The following ABCA13 variants were observed in gnomAD, a reference collection of about 807,000 sequenced individuals.
The protein encoded by ABCA13 is ATP binding cassette subfamily A member 13.
Under a neutral mutation model 478.7 loss-of-function variants are expected in ABCA13, and 476 were observed. The observed-to-expected ratio is 0.99, with a 90% CI of 0.92 to 1.07. ABCA13 has a LOEUF of 1.07. ABCA13 is among the 50% of genes least tolerant of loss of function. The probability of loss-of-function intolerance (pLI) is 0.00; values close to 1 mark genes in which losing one functional copy is unlikely to be tolerated. For missense variants in ABCA13, 6,060 were observed against 5,910.6 expected, an observed-to-expected ratio of 1.03 and a Z score of -0.83; for synonymous variants, 2,252 against 2,158.9, an observed-to-expected ratio of 1.04 and a Z score of -1.20.
rs747331810 is a variant in ABCA13, at chr7:48,288,075, C to T, written c.8952C>T (p.Phe2984=). 3 of 1,612,818 alleles carry T rather than the reference C, an allele frequency of 1.9e-6. No homozygotes were observed. Among genetic ancestry groups the T allele is most frequent in the African/African-American group, 2.7e-5 (2 of 75,014 alleles). ...GGGTCACTTTGGCGCAGGACCACTT[C>T]CAGGTTTGTCGTCTTTAATATTTCA... ...IQGVTLAQDH[F]QEIEKIWSSP... is the part of the protein sequence containing the mutation. Residue 2984 remains phenylalanine, a synonymous_variant, in exon 20 of 62, where the codon TTC becomes TTT. Coordinates refer to ENST00000435803, the MANE Select transcript of ABCA13 (RefSeq NM_152701.5).
At chr7:48,295,908 A>G (rs1369443885) in intron 21 of ABCA13, 45 bp downstream of exon 21, 6 of 1,551,070 alleles carry the variant, frequency 3.9e-6, no homozygotes, top group Middle Eastern at 1.7e-4. Flanking sequence ...ACTTCCATTC[A>G]TAGAGAGGAT....
chr7:48,609,057 G>C (rs558995513), intron 58 of ABCA13, among the ~76,000 whole-genome samples: 1 of 152,010 alleles, frequency 6.6e-6, no homozygotes, highest in Non-Finnish European at 1.5e-5. Context: ...GCATACATGT[G>C]TTTACTTAAA....
intron 27 of ABCA13, among the ~76,000 whole-genome samples, chr7:48,332,762 G>A (rs1805607187): frequency 6.6e-6 from 1 of 152,048 alleles, no homozygotes; most frequent in African/African-American, 2.4e-5. Context: ...TAAATGTTAG[G>A]CTACTTTCTT....
Position 48,274,533 on chromosome 7 carries a change from G to C in ABCA13, c.4867G>C (p.Glu1623Gln), listed in dbSNP as rs1336789141. The change falls in exon 17 of 62, where the codon GAA (glutamate) becomes CAA (glutamine). Residue 1623 changes from glutamate to glutamine, a missense_variant. Glu to Gln is a conservative substitution (Grantham distance 29). This residue lies in a region of ABCA13 where 4,423 missense variants were observed against 4,309.1 expected (regional missense o/e 1.03). Coordinates refer to ENST00000435803, the MANE Select transcript of ABCA13 (RefSeq NM_152701.5). ...QNSPKIIISP[E>Q]IMKATGLGIQ... ...TTCACCAAAAATAATAATTTCACCT[G>C]AAATAATGAAAGCTACAGGTCTTGG... 6.2e-7 allele frequency: 1 copy of C among 1,613,804 alleles called. No individual in the cohort carries two copies. Among genetic ancestry groups the C allele is most frequent in the Admixed American group, 1.7e-5 (1 of 60,020 alleles).
intron 47 of ABCA13, 84 bp from the exon 48 acceptor site, chr7:48,489,152 A>T: frequency 8.8e-7 from 1 of 1,135,772 alleles, no homozygotes; most frequent in Non-Finnish European, 1.3e-6. Context: ...ATTGACACAT[A>T]CGTTCCTTAA....
intron 42 of ABCA13, among the ~76,000 whole-genome samples, chr7:48,442,109 G>A (rs984441125): frequency 1.3e-5 from 2 of 152,184 alleles, no homozygotes; most frequent in Admixed American, 6.5e-5. Context: ...AAGTCAAGTG[G>A]CATGAACACA....
At position 48,431,286 on chromosome 7, in the gene ABCA13, G is replaced by A. The variant is rs186055328; in HGVS notation, c.12565+3415G>A. Among the ~76,000 whole-genome samples the A allele has an allele frequency of 2.3e-3, 345 of 152,064 alleles. 1 individual carries two copies. The highest frequency in any genetic ancestry group is 3.8e-3 in the Non-Finnish European group (261 of 67,970). ...GAACGTGGGAGGTGGAGGTTGCCTT[G>A]AGCCTAGATCATGCCACTGCACTCC... On this transcript the variant is annotated intron_variant, in intron 42 of 61. Coordinates refer to ENST00000435803, the MANE Select transcript of ABCA13 (RefSeq NM_152701.5).
rs1173523221 is a variant in ABCA13, at chr7:48,275,908, A to C, written c.6242A>C (p.Glu2081Ala). Residue 2081 changes from glutamate (E) to alanine (A), a missense_variant, in exon 17 of 62, where the codon GAA becomes GCA. This residue lies in a region of ABCA13 where 4,423 missense variants were observed against 4,309.1 expected (regional missense o/e 1.03). Transcript: ENST00000435803. ...QDFRIRHLLS[E>A]MNKGIKSINS... ...TTTAGAATCAGACACCTGCTTTCTG[A>C]AATGAACAAAGGAATCAAAAGTATA... 10 of 1,613,564 alleles carry C rather than the reference A, an allele frequency of 6.2e-6. No homozygotes were observed. The highest frequency in any genetic ancestry group is 5.0e-5 in the Admixed American group (3 of 59,986).
chr7:48,389,284 T>A, intron 37 of ABCA13, 64 bp downstream of exon 37: 2 of 1,524,356 alleles, frequency 1.3e-6, no homozygotes, highest in Non-Finnish European at 1.8e-6. Flanking sequence ...AGTTTACCTG[T>A]GAGACAGAAG....
At chr7:48,350,223 C>T (rs1436321919) in intron 29 of ABCA13, among the ~76,000 whole-genome samples, 2 of 152,222 alleles carry the variant, frequency 1.3e-5, no homozygotes, top group African/African-American at 2.4e-5. Flanking sequence ...CCCAAAATGA[C>T]TGCTTCAGGG....
intron 15 of ABCA13, among the ~76,000 whole-genome samples, chr7:48,262,205 T>C (rs1794281361): frequency 6.6e-6 from 1 of 151,970 alleles, no homozygotes; most frequent in Non-Finnish European, 1.5e-5. Context: ...ATCAGCTGTG[T>C]CTATTACTGG....
At chr7:48,323,581 A>G (rs1175766143) in intron 27 of ABCA13, among the ~76,000 whole-genome samples, 1 of 152,212 alleles carries the variant, frequency 6.6e-6, no homozygotes, top group Non-Finnish European at 1.5e-5. Flanking sequence ...TATCTCATGT[A>G]TGCCTCACAA....
intron 26 of ABCA13, among the ~76,000 whole-genome samples, chr7:48,315,524 G>A (rs1293494138): frequency 1.3e-5 from 2 of 150,754 alleles, no homozygotes; most frequent in Non-Finnish European, 2.9e-5. Flanking sequence ...CTATCGCCCA[G>A]GCTGGAGTGC....
At chr7:48,319,191 G>A (rs780228828) in intron 27 of ABCA13, among the ~76,000 whole-genome samples, 4 of 152,202 alleles carry the variant, frequency 2.6e-5, no homozygotes, top group Non-Finnish European at 4.4e-5. Flanking sequence ...AGCCCCACAT[G>A]TGTGTTCTGA....
rs1168256767 is a variant in ABCA13, at chr7:48,516,824, T to A, written c.13740T>A (p.Leu4580=). Residue 4580 remains leucine (L), a synonymous_variant, in exon 52 of 62, where the codon CTT becomes CTA. Transcript: ENST00000435803. ...TCTCACTAAACTTCATCTTTGGCCT[T>A]TGTACCATGCTCATAACCATTATGC... ...SYVSLNFIFG[L]CTMLITIMPR... The A allele has an allele frequency of 1.2e-6, 2 of 1,613,806 alleles. No homozygotes were observed. Among genetic ancestry groups the A allele is most frequent in the East Asian group, 4.5e-5 (2 of 44,866 alleles).
chr7:48,581,716 T>C (rs114513173), intron 56 of ABCA13, among the ~76,000 whole-genome samples: 62 of 152,360 alleles, frequency 4.1e-4, no homozygotes, highest in African/African-American at 1.4e-3. Context: ...GTTCTACCAA[T>C]AAAAGTTATT....
At chr7:48,419,017 G>A (rs891295761) in intron 41 of ABCA13, among the ~76,000 whole-genome samples, 1 of 152,146 alleles carries the variant, frequency 6.6e-6, no homozygotes, top group Non-Finnish European at 1.5e-5. Context: ...GAGGGAGCAG[G>A]CATCTTATGT....
intron 3 of ABCA13, among the ~76,000 whole-genome samples, chr7:48,215,623 G>A (rs1487846938): frequency 2.6e-5 from 4 of 152,036 alleles, no homozygotes; most frequent in South Asian, 2.1e-4. Flanking sequence ...AATAAAACAA[G>A]GTAGGCCTGT....
At position 48,317,220 on chromosome 7, in the gene ABCA13, C is replaced by A; in HGVS notation, c.9923C>A (p.Thr3308Asn). 1 of 1,613,624 alleles carries A rather than the reference C, an allele frequency of 6.2e-7. No homozygotes were observed. The highest frequency in any genetic ancestry group is 8.5e-7 in the Non-Finnish European group (1 of 1,179,814). The change falls in exon 27 of 62, where the codon ACC (threonine) becomes AAC (asparagine). Residue 3308 changes from threonine (T) to asparagine (N), a missense_variant. By Grantham distance (65) the Thr-to-Asn change is moderately conservative. Around this residue, in one of 3 missense-constraint regions of ABCA13, gnomAD observed 4,423 missense variants for 4,309.1 expected, o/e 1.03. Transcript: ENST00000435803. ...LQLPNGALVW[T>N]FLKPILHGKI... ...TTGCCAAATGGTGCTTTGGTGTGGA[C>A]CTTCCTAAAACCCATATTGCATGGA...
Sources: gnomAD v4.1 joint callset for allele counts (sites outside exome capture counted in the v4.1 genomes callset) on GRCh38, gnomAD v4.1.1 for gene constraint, gnomAD v4.1.1 regional missense constraint, MANE v1.5 for transcripts, NCBI Gene and HGNC (gene_info 2026-07-23, HGNC 2026-07-21) for gene names.